PTGER4: variants seen among roughly 807,000 people sequenced by gnomAD.
PTGER4 encodes prostaglandin E receptor 4, also known as prostaglandin E2 receptor EP4 subtype.
Under a neutral mutation model 33.2 loss-of-function variants are expected in PTGER4, and 11 were observed. That is an observed-to-expected ratio of 0.33 (90% CI 0.21 to 0.55). The LOEUF is 0.55. Ranked by LOEUF, PTGER4 falls within the 20% of genes least tolerant of loss-of-function variation. The pLI is 0.92. For missense variants in PTGER4, 481 were observed against 650.2 expected, an observed-to-expected ratio of 0.74 and a Z score of 2.83; for synonymous variants, 275 against 281.5, an observed-to-expected ratio of 0.98 and a Z score of 0.23.
chr5:40,680,540 G>A lies in PTGER4; in HGVS notation c.-44+62G>A, dbSNP rs555314236. 2.5e-5 allele frequency: 4 copies of A among 157,394 alleles called. No individual in the cohort carries two copies. Among genetic ancestry groups the A allele is most frequent in the Admixed American group, 1.2e-4 (2 of 16,216 alleles). 9.7% of individuals were successfully genotyped at this position (157,394 alleles called of 1,614,324 possible). On this transcript the variant is annotated intron_variant, in intron 1 of 2. Coordinates refer to ENST00000302472, the MANE Select transcript of PTGER4 (RefSeq NM_000958.3). This position sits in a 1 kb window ranked among gnomAD's most constrained non-coding sequence, Gnocchi z 5.5. Reference sequence around the variant, plus strand: ...TAGAGAACGCAGGGATGCGGCCCTCGCCGAAGAGAGCCAAGAAGGGAAGAG... The same window carrying A: ...TAGAGAACGCAGGGATGCGGCCCTCACCGAAGAGAGCCAAGAAGGGAAGAG...
In PTGER4 at chr5:40,681,665, C is replaced by T. The variant is rs1372620674; in HGVS notation, c.672C>T (p.Gly224=). 1.9e-6 allele frequency: 3 copies of T among 1,584,880 alleles called. No homozygotes were observed. In the East Asian group the frequency reaches 6.9e-5, roughly 36 times the overall value. The part of the protein sequence containing the change: ...HRQFMRRTSL[G]TEQHHAAAAA... ...AGTTCATGCGCCGCACCTCGCTGGG[C>T]ACCGAGCAGCACCACGCGGCCGCGG... The change falls in exon 2 of 3, where the codon GGC becomes GGT. Residue 224 remains glycine, a synonymous_variant. Transcript: ENST00000302472. This position sits in a 1 kb window ranked among gnomAD's most constrained non-coding sequence, Gnocchi z 9.8.
In PTGER4 at chr5:40,680,976, G is replaced by A. The variant is rs755046150; in HGVS notation, c.-18G>A. 1.3e-6 allele frequency: 2 copies of A among 1,590,832 alleles called. No individual in the cohort carries two copies. The highest frequency in any genetic ancestry group is 2.2e-5 in the East Asian group (1 of 44,682). On this transcript the variant is annotated 5_prime_UTR_variant, in exon 2 of 3. Transcript: ENST00000302472. The surrounding 1 kb of genome is among the most constrained non-coding windows in gnomAD (Gnocchi z 5.5). ...ACCCAGCCTTGCACTCCAAGGCTGCGCACCGCCAGCCACTATCATGTCCAC... is the reference window on the plus strand; with the variant it reads ...ACCCAGCCTTGCACTCCAAGGCTGCACACCGCCAGCCACTATCATGTCCAC...
the PTGER4 span, among the ~76,000 whole-genome samples, chr5:40,730,711 T>C: frequency 1.3e-5 from 2 of 152,134 alleles, no homozygotes; most frequent in Non-Finnish European, 2.9e-5. Context: ...GTCCATGAAA[T>C]ATATGTAAAA....
chr5:40,709,485 A>G, the PTGER4 span, among the ~76,000 whole-genome samples: 2 of 152,234 alleles, frequency 1.3e-5, no homozygotes, highest in African/African-American at 4.8e-5. Context: ...AGGGATGTGA[A>G]GGACCTCTTC....
chr5:40,735,657 C>G, the PTGER4 span, among the ~76,000 whole-genome samples: 1 of 152,108 alleles, frequency 6.6e-6, no homozygotes. Flanking sequence ...GATTGTTGAT[C>G]TGGAGAGCAA....
the PTGER4 span, among the ~76,000 whole-genome samples, chr5:40,738,567 T>TATAAAATAAAATAAAATAAA: frequency 3.0e-5 from 2 of 67,586 alleles, no homozygotes; most frequent in South Asian, 1.2e-3. Context: ...TAAAATAAAA[T>TATAAAATAAAATAAAATAAA]ATAAAATAAA....
At chr5:40,714,581 T>C in the PTGER4 span, 1 of 152,170 alleles carries the variant, frequency 6.6e-6, no homozygotes. Context: ...CCTATTTACG[T>C]TTTGAGAATG....
chr5:40,682,823 T>C (rs1020593818), intron 2 of PTGER4, among the ~76,000 whole-genome samples: 1 of 152,218 alleles, frequency 6.6e-6, no homozygotes, highest in Non-Finnish European at 1.5e-5. Flanking sequence ...CACGTCTCCC[T>C]CGTAGAACAT....
chr5:40,681,686 C>T lies in PTGER4; in HGVS notation c.693C>T (p.Ala231=). The T allele has an allele frequency of 6.4e-7, 1 of 1,572,724 alleles. No individual in the cohort carries two copies. The change falls in exon 2 of 3, where the codon GCC becomes GCT. Residue 231 remains alanine (A), a synonymous_variant. Coordinates refer to ENST00000302472, the MANE Select transcript of PTGER4 (RefSeq NM_000958.3). This position sits in a 1 kb window ranked among gnomAD's most constrained non-coding sequence, Gnocchi z 9.8. ...TSLGTEQHHA[A]AAASVASRGH... is the part of the protein sequence containing the mutation. ...TGGGCACCGAGCAGCACCACGCGGCCGCGGCCGCCTCGGTTGCCTCCCGGG... is the reference window on the plus strand; with the variant it reads ...TGGGCACCGAGCAGCACCACGCGGCTGCGGCCGCCTCGGTTGCCTCCCGGG...
rs932172869 is a variant in PTGER4, at chr5:40,680,527, G to A, written c.-44+49G>A. 6.3e-6 allele frequency: 1 copy of A among 159,044 alleles called. No homozygotes were observed. Among genetic ancestry groups the A allele is most frequent in the African/African-American group, 2.4e-5 (1 of 41,516 alleles). The allele number at this position is 159,044 out of a possible 1,614,324, so 9.9% of individuals were successfully genotyped here. On this transcript the variant is annotated intron_variant, in intron 1 of 2. Transcript: ENST00000302472. This position sits in a 1 kb window ranked among gnomAD's most constrained non-coding sequence, Gnocchi z 5.5. Reference sequence around the variant, plus strand: ...TGGGGTCAACGGGTAGAGAACGCAGGGATGCGGCCCTCGCCGAAGAGAGCC... The same window carrying A: ...TGGGGTCAACGGGTAGAGAACGCAGAGATGCGGCCCTCGCCGAAGAGAGCC...
At chr5:40,697,192 A>G (rs1741619268), downstream of PTGER4, among the ~76,000 whole-genome samples, 1 of 144,706 alleles carries the variant, frequency 6.9e-6, no homozygotes, top group African/African-American at 2.6e-5. Context: ...ATTAAGAAAG[A>G]AAGAAAAGAA....
the PTGER4 span, among the ~76,000 whole-genome samples, chr5:40,704,257 T>C: frequency 6.6e-6 from 1 of 152,112 alleles, no homozygotes; most frequent in Non-Finnish European, 1.5e-5. Flanking sequence ...TCAATAAATG[T>C]AGAAAGACTT....
chr5:40,683,477 C>T lies in PTGER4; in HGVS notation c.867+1617C>T, dbSNP rs549144547. On this transcript the variant is annotated intron_variant, in intron 2 of 2. Transcript: ENST00000302472. This position sits in a 1 kb window ranked among gnomAD's most constrained non-coding sequence, Gnocchi z 4.2. ...TGAGATTTTGGAAGAAACAACACTG[C>T]TCCTGATGGGGCCCCTGTTCCTGGG... Among the ~76,000 whole-genome samples, 2 of 152,214 alleles carry T rather than the reference C, an allele frequency of 1.3e-5. No individual in the cohort carries two copies. The highest frequency in any genetic ancestry group is 4.1e-4 in the South Asian group (2 of 4,834).
At chr5:40,696,554 C>G (rs1007658049), downstream of PTGER4, 54 of 574,304 alleles carry the variant, frequency 9.4e-5, no homozygotes, top group Admixed American at 2.5e-4. Context: ...ACTGGAAGTA[C>G]CTTGGCAGAA....
the PTGER4 span, among the ~76,000 whole-genome samples, chr5:40,737,173 T>C: frequency 3.9e-5 from 6 of 152,184 alleles, no homozygotes; most frequent in East Asian, 1.2e-3. Flanking sequence ...GGCGCACACC[T>C]GTAGCCCCAG....
At chr5:40,706,863 G>C in the PTGER4 span, among the ~76,000 whole-genome samples, 1 of 152,078 alleles carries the variant, frequency 6.6e-6, no homozygotes, top group African/African-American at 2.4e-5. Flanking sequence ...GAAGAGAGTG[G>C]GGGCCAATAT....
the PTGER4 span, among the ~76,000 whole-genome samples, chr5:40,708,432 A>G: frequency 6.6e-6 from 1 of 152,246 alleles, no homozygotes; most frequent in Non-Finnish European, 1.5e-5. Context: ...GGAAATCTAG[A>G]AGAAATGGAT....
chr5:40,682,429 A>G (rs901216132), intron 2 of PTGER4, among the ~76,000 whole-genome samples: 1 of 152,182 alleles, frequency 6.6e-6, no homozygotes, highest in Non-Finnish European at 1.5e-5. Flanking sequence ...CCCTCACTTC[A>G]CTGAGGGAGT....
chr5:40,701,619 C>G, the PTGER4 span, among the ~76,000 whole-genome samples: 1 of 152,264 alleles, frequency 6.6e-6, no homozygotes, highest in East Asian at 1.9e-4. Flanking sequence ...TTCAGGATAT[C>G]ATCTACCAAA....
Sources: allele counts gnomAD v4.1 joint callset (sites outside exome capture counted in the v4.1 genomes callset), GRCh38; gene constraint gnomAD v4.1.1; non-coding constraint Gnocchi (gnomAD v3.1); transcripts MANE v1.5; gene names NCBI Gene and HGNC (gene_info 2026-07-23, HGNC 2026-07-21).